Variants in SGCD observed in about 807,000 individuals in gnomAD.
SGCD encodes delta-sarcoglycan.
Under a neutral mutation model 36.6 loss-of-function variants are expected in SGCD, and 18 were observed. The observed-to-expected ratio is 0.49, with a 90% CI of 0.34 to 0.73. The LOEUF (loss-of-function observed/expected upper bound fraction) is 0.73. Among genes scored for constraint, SGCD ranks in the 30% least tolerant of loss-of-function variants. SGCD has a pLI of 0.01. For synonymous variants in SGCD, 133 were observed against 130.6 expected, an observed-to-expected ratio of 1.02 and a Z score of -0.12; for missense variants, 387 against 346.7, an observed-to-expected ratio of 1.12 and a Z score of -0.92.
chr5:156,239,820 A>G (rs1481463039), intron 3 of SGCD, among the ~76,000 whole-genome samples: 1 of 152,206 alleles, frequency 6.6e-6, no homozygotes, highest in Non-Finnish European at 1.5e-5. Context: ...AGGCTCACCC[A>G]AGGTAACAAA....
At chr5:156,100,443 C>T (rs1581099248) in intron 1 of SGCD, among the ~76,000 whole-genome samples, 2 of 152,254 alleles carry the variant, frequency 1.3e-5, no homozygotes, top group South Asian at 2.1e-4. Context: ...TAGTGCATTG[C>T]ATGTATGTGT....
At chr5:155,917,681 C>T (rs541783012) in intron 1 of SGCD, among the ~76,000 whole-genome samples, 2 of 152,242 alleles carry the variant, frequency 1.3e-5, no homozygotes, top group African/African-American at 2.4e-5. Flanking sequence ...CAGAAAGACA[C>T]CTTATCAGGA....
At chr5:156,284,069 A>C (rs1766528066) in intron 3 of SGCD, among the ~76,000 whole-genome samples, 1 of 152,206 alleles carries the variant, frequency 6.6e-6, no homozygotes, top group Non-Finnish European at 1.5e-5. Flanking sequence ...TCTTAGTATT[A>C]TCTGGAAGAA....
At chr5:156,029,425 A>G (rs1759294689) in intron 1 of SGCD, among the ~76,000 whole-genome samples, 2 of 152,154 alleles carry the variant, frequency 1.3e-5, no homozygotes, top group Non-Finnish European at 2.9e-5. Context: ...CATTCATTCA[A>G]GATATACTTG....
chr5:156,285,432 G>A (rs867828285), intron 3 of SGCD, among the ~76,000 whole-genome samples: 6 of 152,186 alleles, frequency 3.9e-5, no homozygotes, highest in South Asian at 2.1e-4. Flanking sequence ...AATACTACAC[G>A]GCTACAGTAA....
At chr5:155,974,618 T>C (rs1209084560) in intron 1 of SGCD, among the ~76,000 whole-genome samples, 1 of 150,882 alleles carries the variant, frequency 6.6e-6, no homozygotes, top group Non-Finnish European at 1.5e-5. Context: ...CCAGTGAGAG[T>C]TGGACCTGTC....
chr5:155,772,930 C>T, the SGCD span, among the ~76,000 whole-genome samples: 4 of 152,108 alleles, frequency 2.6e-5, no homozygotes, highest in Non-Finnish European at 2.9e-5. Context: ...GATTTATAAA[C>T]CAAAGCATGC....
chr5:156,102,414 T>C (rs913542052), intron 1 of SGCD, among the ~76,000 whole-genome samples: 21 of 152,182 alleles, frequency 1.4e-4, no homozygotes, highest in Non-Finnish European at 2.2e-4. Context: ...GAAAGGACAT[T>C]GTTTAGTTGA....
At chr5:156,020,310 A>G (rs73302945) in intron 1 of SGCD, among the ~76,000 whole-genome samples, 2,204 of 152,274 alleles carry the variant, frequency 0.014, 49 homozygotes, top group African/African-American at 0.049. Context: ...TAAACAAAGA[A>G]TGTCCTTCCT....
At chr5:156,091,497 C>T (rs1761242364) in intron 1 of SGCD, among the ~76,000 whole-genome samples, 1 of 152,202 alleles carries the variant, frequency 6.6e-6, no homozygotes, top group South Asian at 2.1e-4. Flanking sequence ...GTCACCGCAG[C>T]ATACCCAGTT....
rs569852004 is a variant in SGCD at position 156,319,794 on chromosome 5, G to T, written c.-43-9740G>T. ...AGTTGTCTCATACAAGTAATGAAAA[G>T]GTTGGACTTGATGACATATTATTTC... On this transcript the variant is annotated intron_variant, in intron 3 of 9. Transcript: ENST00000517913. 4.6e-5 allele frequency among the ~76,000 whole-genome samples: 7 copies of T among 152,288 alleles called. No homozygotes were observed. The East Asian group carries it at 7.7e-4, about 17-fold the overall frequency.
the SGCD span, among the ~76,000 whole-genome samples, chr5:155,835,150 A>G: frequency 6.6e-6 from 1 of 151,176 alleles, no homozygotes; most frequent in South Asian, 2.1e-4. Flanking sequence ...CTGGGATTAC[A>G]GGCGCCCACC....
the SGCD span, among the ~76,000 whole-genome samples, chr5:155,770,552 G>A: frequency 6.6e-6 from 1 of 152,256 alleles, no homozygotes; most frequent in East Asian, 1.9e-4. Flanking sequence ...TTAAAAGTTA[G>A]GAATTAAAAG....
chr5:156,203,243 G>T (rs945755157), intron 3 of SGCD, among the ~76,000 whole-genome samples: 1 of 151,878 alleles, frequency 6.6e-6, no homozygotes, highest in African/African-American at 2.4e-5. Flanking sequence ...TCCTCTTTTT[G>T]CAAATCTTTA....
At chr5:156,262,898 G>GGTGTGTGT (rs66684897) in intron 3 of SGCD, among the ~76,000 whole-genome samples, 4 of 147,778 alleles carry the variant, frequency 2.7e-5, no homozygotes, top group African/African-American at 5.0e-5. Flanking sequence ...AGTATTCCAT[G>GGTGTGTGT]GTGTGTGTGT....
chr5:156,285,118 G>T (rs6864242), intron 3 of SGCD, among the ~76,000 whole-genome samples: 8,243 of 152,190 alleles, frequency 0.054, 674 homozygotes, highest in African/African-American at 0.17. Context: ...ACTTACAAGG[G>T]ATATGAAGGA....
At chr5:156,508,943 G>C (rs757471780) in intron 4 of SGCD, among the ~76,000 whole-genome samples, 3 of 152,152 alleles carry the variant, frequency 2.0e-5, no homozygotes, top group Non-Finnish European at 4.4e-5. Context: ...CAGCTTTATA[G>C]ATTGTGCCAC....
At chr5:156,363,060 G>C (rs917211048) in intron 3 of SGCD, among the ~76,000 whole-genome samples, 1 of 151,710 alleles carries the variant, frequency 6.6e-6, no homozygotes, top group Admixed American at 6.6e-5. Flanking sequence ...TGGGTGAGTA[G>C]GGTTTTCTGA....
intron 7 of SGCD, among the ~76,000 whole-genome samples, chr5:156,753,424 C>A (rs1757223545): frequency 6.6e-6 from 1 of 152,208 alleles, no homozygotes. Flanking sequence ...TACATGCCAT[C>A]TAAACAATTG....
Sources: allele counts gnomAD v4.1 joint callset (sites outside exome capture counted in the v4.1 genomes callset), GRCh38; gene constraint gnomAD v4.1.1; transcripts MANE v1.5; gene names NCBI Gene and HGNC (gene_info 2026-07-23, HGNC 2026-07-21).